LINGO2: variants seen among roughly 807,000 people sequenced by gnomAD.
The protein encoded by LINGO2 is leucine-rich repeat and immunoglobulin-like domain-containing nogo receptor-interacting protein 2.
A neutral mutation model predicts 30.6 loss-of-function variants in LINGO2; 14 were observed. That is an observed-to-expected ratio of 0.46 (90% confidence interval 0.30 to 0.72). The LOEUF is 0.72. Among genes scored for constraint, LINGO2 ranks in the 30% least tolerant of loss-of-function variants. The pLI is 0.07. For synonymous variants in LINGO2, 317 were observed against 288.5 expected (o/e 1.10, Z -1.00); for missense variants, 729 against 751.7 (o/e 0.97, Z 0.35).
chr9:28,235,403 G>A (rs1393961384), intron 4 of LINGO2, among the ~76,000 whole-genome samples: 1 of 152,116 alleles, frequency 6.6e-6, no homozygotes, highest in South Asian at 2.1e-4. Context: ...AAAGACTATA[G>A]TAAATACCTA....
chr9:28,654,501 C>T (rs1828250638), intron 1 of LINGO2, among the ~76,000 whole-genome samples: 1 of 151,800 alleles, frequency 6.6e-6, no homozygotes, highest in Admixed American at 6.6e-5. Context: ...ATCAGGAGAC[C>T]TCAATTTTAC....
chr9:28,426,267 T>C (rs874184), intron 2 of LINGO2, among the ~76,000 whole-genome samples: 45,757 of 151,850 alleles, frequency 0.3, 7,870 homozygotes, highest in Non-Finnish European at 0.38. Flanking sequence ...TCCCTATAGG[T>C]TTGCCTATAA....
the LINGO2 span, among the ~76,000 whole-genome samples, chr9:29,077,039 A>G: frequency 4.6e-5 from 7 of 152,122 alleles, no homozygotes; most frequent in African/African-American, 1.7e-4. Flanking sequence ...GTAGATATAC[A>G]AAGTATTTAT....
At chr9:28,665,581 T>C (rs890068674) in intron 1 of LINGO2, among the ~76,000 whole-genome samples, 1 of 152,132 alleles carries the variant, frequency 6.6e-6, no homozygotes, top group Non-Finnish European at 1.5e-5. Context: ...AATTACACCA[T>C]GAATAATATT....
At chr9:28,332,168 C>G (rs1409749136) in intron 3 of LINGO2, among the ~76,000 whole-genome samples, 1 of 151,954 alleles carries the variant, frequency 6.6e-6, no homozygotes, top group African/African-American at 2.4e-5. Flanking sequence ...AATTTAGGCA[C>G]CTTTCAATCT....
chr9:28,086,968 A>G (rs1337519976), intron 4 of LINGO2, among the ~76,000 whole-genome samples: 1 of 152,110 alleles, frequency 6.6e-6, no homozygotes, highest in Non-Finnish European at 1.5e-5. Context: ...TATTTTTCCA[A>G]CCTTTGGATC....
the LINGO2 span, among the ~76,000 whole-genome samples, chr9:28,914,826 T>G: frequency 6.6e-6 from 1 of 152,176 alleles, no homozygotes; most frequent in East Asian, 1.9e-4. Flanking sequence ...CAAACAGTCC[T>G]GGATGTTTTA....
At chr9:29,157,322 C>T in the LINGO2 span, among the ~76,000 whole-genome samples, 2 of 152,178 alleles carry the variant, frequency 1.3e-5, no homozygotes, top group Non-Finnish European at 2.9e-5. Context: ...TATAAAAACA[C>T]TGTTCTGTAT....
the LINGO2 span, among the ~76,000 whole-genome samples, chr9:28,926,300 C>T: frequency 2.6e-5 from 4 of 151,958 alleles, no homozygotes; most frequent in Non-Finnish European, 5.9e-5. Context: ...GGGGATAGAG[C>T]AAGACTCTGT....
At chr9:28,252,583 A>G (rs1013886481) in intron 4 of LINGO2, among the ~76,000 whole-genome samples, 4 of 152,138 alleles carry the variant, frequency 2.6e-5, no homozygotes, top group Admixed American at 2.6e-4. Flanking sequence ...GTCATGAGTC[A>G]TATTGTAACA....
chr9:29,048,256 A>C, the LINGO2 span, among the ~76,000 whole-genome samples: 1 of 152,036 alleles, frequency 6.6e-6, no homozygotes, highest in African/African-American at 2.4e-5. Flanking sequence ...TAATTAACCA[A>C]AAAAGTGAAA....
intron 4 of LINGO2, among the ~76,000 whole-genome samples, chr9:28,145,185 A>C (rs1383283226): frequency 1.3e-5 from 2 of 152,204 alleles, no homozygotes; most frequent in Non-Finnish European, 2.9e-5. Flanking sequence ...ATGTGGGTTC[A>C]AAAGGTAGGG....
chr9:28,584,933 A>ATTTTTTTTTTTTT (rs1046279252), intron 1 of LINGO2, among the ~76,000 whole-genome samples: 73 of 13,906 alleles, frequency 5.2e-3, no homozygotes, highest in African/African-American at 0.011. Flanking sequence ...ACTGCAAGAG[A>ATTTTTTTTTTTTT]TTTTTTTTTT....
In LINGO2 at chr9:27,950,717, G is replaced by C; in HGVS notation, c.-35-11C>G. ...ACCTTGGTCACGGGTCTGCATGGAA[G>C]GGACACAAGAAGGGAGGAAGAGAAG... On this transcript the variant is annotated splice_polypyrimidine_tract_variant and intron_variant, in intron 5 of 5. Coordinates refer to ENST00000379992, the Ensembl canonical transcript of LINGO2. 7.0e-7 allele frequency: 1 copy of C among 1,437,212 alleles called. No homozygotes were observed. Among genetic ancestry groups the C allele is most frequent in the Non-Finnish European group, 9.2e-7 (1 of 1,086,442 alleles). 89.0% of individuals were successfully genotyped at this position (1,437,212 alleles called of 1,614,324 possible). A position where few individuals can be genotyped will look rare whatever the true frequency, so the allele number is the denominator to read the frequency against.
chr9:28,496,182 G>C (rs1387191138), intron 1 of LINGO2, among the ~76,000 whole-genome samples: 2 of 152,018 alleles, frequency 1.3e-5, no homozygotes, highest in Non-Finnish European at 2.9e-5. Flanking sequence ...AGGTCTGCTT[G>C]GTGCAGAGCT....
chr9:28,697,609 G>T, the LINGO2 span, among the ~76,000 whole-genome samples: 1 of 151,694 alleles, frequency 6.6e-6, no homozygotes, highest in Non-Finnish European at 1.5e-5. Flanking sequence ...AAAAATCACT[G>T]TGAAATATAT....
intron 3 of LINGO2, among the ~76,000 whole-genome samples, chr9:28,322,538 T>C (rs1025149542): frequency 8.5e-5 from 13 of 152,158 alleles, no homozygotes; most frequent in Middle Eastern, 6.8e-3. Flanking sequence ...TTTATTCACT[T>C]TATAGAAGAG....
chr9:28,877,088 T>A, the LINGO2 span, among the ~76,000 whole-genome samples: 10 of 148,608 alleles, frequency 6.7e-5, no homozygotes, highest in African/African-American at 2.6e-4. Context: ...ACCCACTTTT[T>A]GATGGGGTTG....
At chr9:28,995,961 G>T in the LINGO2 span, among the ~76,000 whole-genome samples, 166 of 151,850 alleles carry the variant, frequency 1.1e-3, no homozygotes, top group African/African-American at 3.9e-3. Flanking sequence ...CATGGCACAT[G>T]TATACATATG....
Sources: allele counts gnomAD v4.1 joint callset (sites outside exome capture counted in the v4.1 genomes callset), GRCh38; gene constraint gnomAD v4.1.1; transcripts MANE v1.5; gene names NCBI Gene and HGNC (gene_info 2026-07-23, HGNC 2026-07-21).